The following MEG3 variants were observed in gnomAD, a reference collection of about 807,000 sequenced individuals.
MEG3 encodes maternally expressed 3.
chr14:100,848,977 C>T (rs1048536842), intron 3 of MEG3: 3 of 152,048 alleles, frequency 2.0e-5, no homozygotes, highest in African/African-American at 4.8e-5. Context: ...AGCACAGATA[C>T]CTGAATAGAG....
intron 1 of MEG3, among the ~76,000 whole-genome samples, chr14:100,827,868 C>T (rs1355068829): frequency 1.3e-5 from 2 of 152,206 alleles, no homozygotes; most frequent in Admixed American, 1.3e-4. Context: ...ATTGGATTGA[C>T]GAAGGTGGGA....
intron 3 of MEG3, chr14:100,846,227 T>G (rs1438318183): frequency 6.6e-6 from 1 of 152,230 alleles, no homozygotes; most frequent in African/African-American, 2.4e-5. Context: ...CTATGTACCA[T>G]GTGTGTGTCT....
intron 2 of MEG3, among the ~76,000 whole-genome samples, chr14:100,836,542 C>T (rs989554097): frequency 6.6e-6 from 1 of 152,066 alleles, no homozygotes; most frequent in Non-Finnish European, 1.5e-5. Context: ...GGGCCGGCGA[C>T]GGTAGGTGGG....
chr14:100,850,922 C>T (rs1287947100), intron 3 of MEG3: 1 of 152,294 alleles, frequency 6.6e-6, no homozygotes, highest in Non-Finnish European at 1.5e-5. Context: ...ACCTTCTTTC[C>T]AGTCCTGTGT....
At chr14:100,843,108 G>A (rs969668925) in intron 2 of MEG3, among the ~76,000 whole-genome samples, 2 of 152,142 alleles carry the variant, frequency 1.3e-5, no homozygotes, top group East Asian at 1.9e-4. Context: ...AGCAGCCTGC[G>A]GTCTGCACAC....
At chr14:100,826,519 C>T (rs1162830489) in intron 1 of MEG3, 1 of 152,276 alleles carries the variant, frequency 6.6e-6, no homozygotes, top group Non-Finnish European at 1.5e-5. Context: ...TGGAACTCCT[C>T]TTGGATTCGG....
upstream of MEG3, chr14:100,854,182 T>A (rs2140003021): frequency 6.6e-6 from 1 of 152,264 alleles, no homozygotes; most frequent in East Asian, 1.9e-4. Flanking sequence ...AATTAAGATA[T>A]GGCTAGTTTG....
downstream of MEG3, chr14:100,833,269 C>CT (rs1412030471): frequency 1.1e-4 from 16 of 152,110 alleles, no homozygotes; most frequent in South Asian, 1.3e-3. Context: ...ACTTGTAGTT[C>CT]TTTTTTTTGA....
At chr14:100,832,460 GGTGTTTTTCA>G (rs2037424003), downstream of MEG3, 1 of 152,442 alleles carries the variant, frequency 6.6e-6, no homozygotes, top group African/African-American at 2.4e-5. Context: ...TTACCCTGGC[GGTGTTTTTCA>G]GTTTTATTCC....
downstream of MEG3, chr14:100,829,244 A>G (rs1395823931): frequency 1.1e-4 from 17 of 152,258 alleles, no homozygotes; most frequent in Non-Finnish European, 7.3e-5. Flanking sequence ...CTCTATGAGT[A>G]CTTTCCTATA....
exon 1 of MEG3, chr14:100,834,412 T>C: frequency 3.6e-6 from 1 of 275,744 alleles, no homozygotes; most frequent in Non-Finnish European, 7.1e-6. Context: ...TGCCCAAGGC[T>C]CCTGGAGCCC....
chr14:100,852,483 CTCT>C (rs750351820), upstream of MEG3: 5 of 513,388 alleles, frequency 9.7e-6, no homozygotes, highest in Admixed American at 2.0e-5. Context: ...CAGGGGTCTG[CTCT>C]TCTTCTCTTT....
chr14:100,837,546 C>T lies in MEG3; in HGVS notation n.3045+1246C>T, dbSNP rs550069544. Among the ~76,000 whole-genome samples the T allele has an allele frequency of 6.6e-6, 1 of 152,128 alleles. No homozygotes were observed. The highest frequency in any genetic ancestry group is 2.1e-4 in the South Asian group (1 of 4,820). ...AGATGCCAATACTCCCCTCTGGACG[C>T]CCACGAATGGGGTCTCTGAGAAGGA... On this transcript the variant is annotated intron_variant and non_coding_transcript_variant, in intron 2 of 3. Transcript: ENST00000398461. This position sits in a 1 kb window ranked among gnomAD's most constrained non-coding sequence, Gnocchi z 5.8.
intron 1 of MEG3, chr14:100,835,981 G>A: frequency 3.0e-6 from 1 of 336,818 alleles, no homozygotes; most frequent in Admixed American, 4.4e-5. Context: ...TGGATTTGGG[G>A]CTGCCCCTAA....
downstream of MEG3, chr14:100,833,119 A>G (rs1359959495): frequency 6.6e-6 from 1 of 152,018 alleles, no homozygotes; most frequent in Non-Finnish European, 1.5e-5. Context: ...TCCCAGAGGG[A>G]CCCCCCTTAA....
At chr14:100,855,947 T>C (rs922669317), upstream of MEG3, 1 of 152,132 alleles carries the variant, frequency 6.6e-6, no homozygotes, top group Non-Finnish European at 1.5e-5. Context: ...ACAGCCCATA[T>C]CCTCGAGAGG....
intron 1 of MEG3, among the ~76,000 whole-genome samples, chr14:100,828,489 C>T (rs1943027253): frequency 1.3e-5 from 1 of 74,430 alleles, no homozygotes; most frequent in Non-Finnish European, 2.8e-5. Context: ...CTCTTTTCCC[C>T]TCCCCTTCTC....
At chr14:100,843,147 C>T (rs147627591) in intron 2 of MEG3, among the ~76,000 whole-genome samples, 1 of 152,316 alleles carries the variant, frequency 6.6e-6, no homozygotes, top group East Asian at 1.9e-4. Context: ...GTCAGGGACT[C>T]TGAGGTTTCA....
At chr14:100,844,525 G>A (rs1220714261) in intron 2 of MEG3, among the ~76,000 whole-genome samples, 1 of 152,144 alleles carries the variant, frequency 6.6e-6, no homozygotes, top group Non-Finnish European at 1.5e-5. Context: ...GGAAAGTACA[G>A]AGAATTCCCA....
Sources: allele counts gnomAD v4.1 joint callset (sites outside exome capture counted in the v4.1 genomes callset), GRCh38; gene constraint gnomAD v4.1.1; non-coding constraint Gnocchi (gnomAD v3.1); transcripts MANE v1.5; gene names NCBI Gene and HGNC (gene_info 2026-07-23, HGNC 2026-07-21).